The following RPTOR variants were observed in gnomAD, a reference collection of about 807,000 sequenced individuals.
RPTOR encodes the protein regulatory associated protein of MTOR complex 1, also known as regulatory-associated protein of mTOR.
In RPTOR, 21 loss-of-function variants were observed where a neutral mutation model predicts 169.9. That is an observed-to-expected ratio of 0.12 (90% confidence interval 0.09 to 0.18). RPTOR has a LOEUF of 0.18. Ranked by LOEUF, RPTOR falls within the 10% of genes least tolerant of loss-of-function variation. The probability of loss-of-function intolerance (pLI) is 1.00; values close to 1 mark genes in which losing one functional copy is unlikely to be tolerated. For missense variants in RPTOR, 1,133 were observed against 1,855.9 expected (o/e 0.61, Z 7.16); for synonymous variants, 732 against 753.2 (o/e 0.97, Z 0.46).
At chr17:80,594,152 G>C (rs1183591424) in intron 1 of RPTOR, among the ~76,000 whole-genome samples, 2 of 152,038 alleles carry the variant, frequency 1.3e-5, no homozygotes. Context: ...GCAGTGCAGT[G>C]GTGCGATCTC....
intron 3 of RPTOR, among the ~76,000 whole-genome samples, chr17:80,644,593 C>T (rs1023450151): frequency 2.0e-5 from 3 of 152,072 alleles, no homozygotes; most frequent in African/African-American, 7.2e-5. Flanking sequence ...TGAGAAGGTG[C>T]GCGTCTCCTG....
rs1376261839 is a variant in RPTOR at position 80,803,832 on chromosome 17, T to G, written c.890+12323T>G. On this transcript the variant is annotated intron_variant, in intron 7 of 33. Transcript: ENST00000306801. This position sits in a 1 kb window ranked among gnomAD's most constrained non-coding sequence, Gnocchi z 6.2. ...AAGAGTGCCTGGATGCTTCTTTGAT[T>G]GGGCAGCCTGATGAGGCCCATGAAG... The G allele has an allele frequency of 6.6e-6, 1 of 152,212 alleles. No homozygotes were observed. The highest frequency in any genetic ancestry group is 2.4e-5 in the African/African-American group (1 of 41,432). The allele number at this position is 152,212 out of a possible 1,614,324, so 9.4% of individuals were successfully genotyped here. A position where few individuals can be genotyped will look rare whatever the true frequency, so the allele number is the denominator to read the frequency against.
chr17:80,921,224 A>G (rs961001116), intron 21 of RPTOR, among the ~76,000 whole-genome samples: 4 of 152,258 alleles, frequency 2.6e-5, no homozygotes, highest in Admixed American at 1.3e-4. Context: ...CCTGAAGGAC[A>G]GGGTTCTGTC....
chr17:80,649,577 C>T (rs1599634296), intron 3 of RPTOR, among the ~76,000 whole-genome samples: 1 of 152,268 alleles, frequency 6.6e-6, no homozygotes, highest in South Asian at 2.1e-4. Flanking sequence ...AATTCAGTAC[C>T]TGGTGTGAAG....
At chr17:80,949,422 C>G (rs543769607) in intron 27 of RPTOR, 21 bp from the exon 28 acceptor site, 2 of 1,601,504 alleles carry the variant, frequency 1.2e-6, no homozygotes, top group South Asian at 2.2e-5. Flanking sequence ...GGTTCACATC[C>G]TTTCCTCTCT....
chr17:80,699,703 A>T (rs935934423), intron 3 of RPTOR, among the ~76,000 whole-genome samples: 2 of 123,552 alleles, frequency 1.6e-5, no homozygotes, highest in Admixed American at 7.6e-5. Flanking sequence ...GGGGAGCTAG[A>T]GGTGCTGTGC....
chr17:80,922,995 C>T (rs191497256), intron 22 of RPTOR, among the ~76,000 whole-genome samples, 168 bp downstream of exon 22: 16 of 152,356 alleles, frequency 1.1e-4, no homozygotes, highest in Non-Finnish European at 2.2e-4. Flanking sequence ...CCGGACACCC[C>T]GGTACCCGCC....
At chr17:80,557,054 C>T (rs530634136) in intron 1 of RPTOR, among the ~76,000 whole-genome samples, 2 of 152,130 alleles carry the variant, frequency 1.3e-5, no homozygotes, top group African/African-American at 4.8e-5. Context: ...CAAGATCTTG[C>T]CACTGCACTT....
Position 80,687,681 on chromosome 17 carries a change from C to T in RPTOR, c.349-20160C>T, listed in dbSNP as rs146194559. ...AGCACAGCCACGGAATGGTTGTCAT[C>T]GGCTTCAGAAGGGGAATGAAAGGGG... On this transcript the variant is annotated intron_variant, in intron 3 of 33. Transcript: ENST00000306801. Among the ~76,000 whole-genome samples, 362 of 152,278 alleles carry T rather than the reference C, an allele frequency of 2.4e-3. 2 individuals carry two copies. Among genetic ancestry groups the T allele is most frequent in the African/African-American group, 8.3e-3 (346 of 41,554 alleles).
intron 7 of RPTOR, among the ~76,000 whole-genome samples, chr17:80,794,958 G>T (rs1259364875): frequency 6.6e-6 from 1 of 152,202 alleles, no homozygotes; most frequent in Non-Finnish European, 1.5e-5. Context: ...GTGATGTCTT[G>T]ATGCTGGTGT....
chr17:80,831,819 A>G (rs117280739), intron 9 of RPTOR, among the ~76,000 whole-genome samples: 216 of 62,986 alleles, frequency 3.4e-3, no homozygotes, highest in African/African-American at 0.011. Flanking sequence ...GTGTGTCACC[A>G]TGTATCCCTG....
chr17:80,619,153 A>T (rs2065336339), intron 1 of RPTOR, among the ~76,000 whole-genome samples: 1 of 151,998 alleles, frequency 6.6e-6, no homozygotes, highest in South Asian at 2.1e-4. Flanking sequence ...AAACCAGGGG[A>T]TAGTGAATGT....
chr17:80,801,347 G>T (rs1390511595), intron 7 of RPTOR, among the ~76,000 whole-genome samples: 1 of 152,070 alleles, frequency 6.6e-6, no homozygotes, highest in Non-Finnish European at 1.5e-5. Flanking sequence ...TGGGGAAACT[G>T]AGGCACCCAG....
In RPTOR at chr17:80,689,338, G is replaced by A. The variant is rs111584054; in HGVS notation, c.349-18503G>A. On this transcript the variant is annotated intron_variant, in intron 3 of 33. Transcript: ENST00000306801. ...ACTCACAGAAACCATGCACTCCCCC[G>A]TGGGAAGAGTTCTAGGTGTAGCAGG... Among the ~76,000 whole-genome samples the A allele has an allele frequency of 6.6e-5, 10 of 152,182 alleles. No homozygotes were observed. In the East Asian group the frequency reaches 7.7e-4, roughly 12 times the overall value.
intron 20 of RPTOR, among the ~76,000 whole-genome samples, chr17:80,895,695 C>T (rs1251485232): frequency 6.6e-6 from 1 of 152,244 alleles, no homozygotes; most frequent in Non-Finnish European, 1.5e-5. Context: ...AGATGTCGCC[C>T]CAGGCCTTCC....
At chr17:80,751,581 G>A (rs12600633) in intron 5 of RPTOR, among the ~76,000 whole-genome samples, 26,931 of 152,114 alleles carry the variant, frequency 0.18, 2,836 homozygotes, top group East Asian at 0.24. Flanking sequence ...GGAGCGCATC[G>A]CAGCCCTCGG....
intron 9 of RPTOR, among the ~76,000 whole-genome samples, chr17:80,837,182 T>C (rs1410438825): frequency 2.0e-5 from 3 of 151,422 alleles, no homozygotes; most frequent in African/African-American, 7.3e-5. Context: ...TGACAAGGGG[T>C]CTCGACAGGG....
chr17:80,760,255 A>G (rs2066721224), intron 6 of RPTOR, among the ~76,000 whole-genome samples: 1 of 150,870 alleles, frequency 6.6e-6, no homozygotes, highest in Non-Finnish European at 1.5e-5. Context: ...CAGGCAATAT[A>G]TAAACAAATG....
chr17:80,841,150 A>T (rs1329101294), intron 10 of RPTOR, among the ~76,000 whole-genome samples: 1 of 113,150 alleles, frequency 8.8e-6, no homozygotes, highest in Non-Finnish European at 1.7e-5. Flanking sequence ...GCTCACTCTC[A>T]CCGCACGGCA....
Sources: gnomAD v4.1 joint callset for allele counts (sites outside exome capture counted in the v4.1 genomes callset) on GRCh38, gnomAD v4.1.1 for gene constraint, Gnocchi (gnomAD v3.1) non-coding constraint, MANE v1.5 for transcripts, NCBI Gene and HGNC (gene_info 2026-07-23, HGNC 2026-07-21) for gene names.